TTC12: variants seen among roughly 807,000 people sequenced by gnomAD.
The protein encoded by TTC12 is tetratricopeptide repeat protein 12.
TTC12 carries 70 observed loss-of-function variants against 90.1 expected under a neutral mutation model. The observed-to-expected ratio is 0.78, with a 90% CI of 0.64 to 0.95. TTC12 has a LOEUF of 0.95. TTC12 is among the 40% of genes least tolerant of loss of function. TTC12 has a pLI of 0.00. For synonymous variants in TTC12, 296 were observed against 311.5 expected (o/e 0.95, Z 0.53); for missense variants, 819 against 846.1 (o/e 0.97, Z 0.40).
Position 113,334,991 on chromosome 11 carries a change from A to G in TTC12, c.530A>G (p.Tyr177Cys), listed in dbSNP as rs782642907. ...TGTGATGAAAAATGCACAAAAGCAT[A>G]TTTTCACATGGGAAAAGCCAACCTG... ...LKCDEKCTKAYFHMGKANLAL... is the reference protein window; with the variant it reads ...LKCDEKCTKACFHMGKANLAL... Residue 177 changes from tyrosine to cysteine, a missense_variant, in exon 8 of 22, where the codon TAT (tyrosine) becomes TGT (cysteine). Physicochemically the swap from Tyr to Cys is radical, Grantham distance 194. Coordinates refer to ENST00000529221, the MANE Select transcript of TTC12 (RefSeq NM_017868.4). The G allele has an allele frequency of 3.2e-5, 51 of 1,613,806 alleles. No individual in the cohort carries two copies. In the Admixed American group the frequency reaches 8.2e-4, roughly 26 times the overall value.
At chr11:113,327,639 A>G (rs1947772225) in intron 6 of TTC12, among the ~76,000 whole-genome samples, 1 of 152,142 alleles carries the variant, frequency 6.6e-6, no homozygotes, top group Non-Finnish European at 1.5e-5. Flanking sequence ...TTAAGAGAGA[A>G]AGAAAAAAAA....
intron 20 of TTC12, 88 bp from the exon 21 acceptor site, chr11:113,364,747 A>T: frequency 9.5e-7 from 1 of 1,055,512 alleles, no homozygotes; most frequent in South Asian, 1.3e-5. Context: ...GTGTCCGCTG[A>T]CATCTCCCTG....
intron 18 of TTC12, among the ~76,000 whole-genome samples, chr11:113,362,145 T>C (rs1482455976): frequency 1.3e-5 from 2 of 152,184 alleles, no homozygotes; most frequent in African/African-American, 4.8e-5. Flanking sequence ...GAGAACTTCC[T>C]TTCTCAGAGT....
At chr11:113,321,219 A>G (rs570580357) in intron 2 of TTC12, among the ~76,000 whole-genome samples, 12 of 152,322 alleles carry the variant, frequency 7.9e-5, no homozygotes, top group African/African-American at 2.9e-4. Flanking sequence ...TACATTGACA[A>G]CAATTAAAAA....
chr11:113,325,431 C>A, intron 5 of TTC12, 93 bp from the exon 6 acceptor site: 1 of 1,493,730 alleles, frequency 6.7e-7, no homozygotes, highest in South Asian at 1.3e-5. Context: ...AAGTGAAGAC[C>A]TTCGAAATAG....
chr11:113,366,199 T>C (rs190963630), intron 21 of TTC12, 26 bp from the exon 22 acceptor site: 143 of 1,610,968 alleles, frequency 8.9e-5, no homozygotes, highest in Non-Finnish European at 1.7e-6. Context: ...ACTTATGCCC[T>C]GGGTTGTTTG....
downstream of TTC12, among the ~76,000 whole-genome samples, chr11:113,366,998 G>A (rs913238120): frequency 6.6e-6 from 1 of 152,224 alleles, no homozygotes; most frequent in Admixed American, 6.5e-5. Context: ...TCTTTCTACA[G>A]TGAACCCTGA....
intron 21 of TTC12, 122 bp from the exon 22 acceptor site, chr11:113,366,103 C>G (rs533141412): frequency 9.5e-7 from 1 of 1,054,396 alleles, no homozygotes; most frequent in South Asian, 1.4e-5. Flanking sequence ...CTTCCTGTTT[C>G]CACCCAGAGT....
At chr11:113,342,164 C>G (rs542902452) in intron 12 of TTC12, among the ~76,000 whole-genome samples, 1 of 152,328 alleles carries the variant, frequency 6.6e-6, no homozygotes, top group East Asian at 1.9e-4. Context: ...CTCCTCTCCT[C>G]CTGCTCTTTG....
At chr11:113,340,889 C>T (rs1449254080) in intron 11 of TTC12, among the ~76,000 whole-genome samples, 156 bp downstream of exon 11, 1 of 152,162 alleles carries the variant, frequency 6.6e-6, no homozygotes, top group Admixed American at 6.5e-5. Context: ...AGCTACTCCA[C>T]GAACATCTTT....
In TTC12 at chr11:113,352,126, G is replaced by C. The variant is rs782626666; in HGVS notation, c.1365G>C (p.Met455Ile). The C allele has an allele frequency of 7.4e-6, 12 of 1,614,114 alleles. No individual in the cohort carries two copies. The highest frequency in any genetic ancestry group is 1.0e-5 in the Non-Finnish European group (12 of 1,180,042). ...SSALCQCIAI[M>I]GNLSAEPTTR... ...CTCTGTGCCAGTGCATTGCCATCAT[G>C]GGAAACCTCAGTGCTGAGCCCACTA... Residue 455 changes from methionine (M) to isoleucine (I), a missense_variant, in exon 16 of 22, where the codon ATG becomes ATC. By Grantham distance (10) the Met-to-Ile change is conservative. Coordinates refer to ENST00000529221, the MANE Select transcript of TTC12 (RefSeq NM_017868.4).
intron 14 of TTC12, among the ~76,000 whole-genome samples, chr11:113,350,924 A>G (rs1247268390): frequency 1.3e-5 from 2 of 152,214 alleles, no homozygotes; most frequent in African/African-American, 4.8e-5. Context: ...CCGCACACAC[A>G]CGCTGTAGAC....
intron 2 of TTC12, among the ~76,000 whole-genome samples, chr11:113,317,749 C>G (rs370744595): frequency 6.6e-6 from 1 of 152,192 alleles, no homozygotes; most frequent in Admixed American, 6.5e-5. Flanking sequence ...CACACATACT[C>G]TGTGTTTCAC....
chr11:113,368,284 G>C (rs1198648627), downstream of TTC12: 16 of 1,535,270 alleles, frequency 1.0e-5, 1 homozygote, highest in Middle Eastern at 3.3e-4. Flanking sequence ...TCACATGCTA[G>C]TATTCTCCCT....
chr11:113,361,381 T>G (rs965021489), intron 18 of TTC12, among the ~76,000 whole-genome samples: 1 of 152,194 alleles, frequency 6.6e-6, no homozygotes, highest in Admixed American at 6.5e-5. Context: ...TTCCTGAAGA[T>G]GGAGAACAGC....
Position 113,365,016 on chromosome 11 carries a change from G to A in TTC12, c.1998G>A (p.Val666=). 6.2e-7 allele frequency: 1 copy of A among 1,614,158 alleles called. No homozygotes were observed. Among genetic ancestry groups the A allele is most frequent in the South Asian group, 1.1e-5 (1 of 91,054 alleles). The change falls in exon 21 of 22, where the codon GTG becomes GTA. Residue 666 remains valine, a synonymous_variant. Transcript: ENST00000529221. ...ACACACAGAAGACGGCCGTGCAGGT[G>A]AACGCAGGCATTGCTCTGGGGAAGC... ...GSDTQKTAVQ[V]NAGIALGKLC... is the part of the protein sequence containing the mutation.
chr11:113,352,317 C>T (rs538689565), intron 16 of TTC12, 110 bp downstream of exon 16: 267 of 1,401,306 alleles, frequency 1.9e-4, no homozygotes, highest in Admixed American at 9.3e-4. Flanking sequence ...TGTTGGATGG[C>T]GCCAGTTGGC....
chr11:113,340,410 C>T (rs1948616014), intron 10 of TTC12, among the ~76,000 whole-genome samples: 1 of 152,258 alleles, frequency 6.6e-6, no homozygotes, highest in South Asian at 2.1e-4. Flanking sequence ...GCAGATAGCC[C>T]TCGGGGCCAC....
intron 6 of TTC12, chr11:113,329,563 C>T: frequency 4.3e-6 from 2 of 467,436 alleles, no homozygotes; most frequent in South Asian, 3.1e-5. Context: ...GGCCTCAGCT[C>T]ATGTCAGGCA....
Sources: allele counts gnomAD v4.1 joint callset (sites outside exome capture counted in the v4.1 genomes callset), GRCh38; gene constraint gnomAD v4.1.1; transcripts MANE v1.5; gene names NCBI Gene and HGNC (gene_info 2026-07-23, HGNC 2026-07-21).